Variants in FOXN1 observed in about 807,000 individuals in gnomAD.
FOXN1 encodes forkhead box N1.
Under a neutral mutation model 49.0 loss-of-function variants are expected in FOXN1, and 15 were observed. The ratio of observed to expected loss-of-function variants is 0.31; its 90% CI spans 0.20 to 0.47. FOXN1 has a LOEUF of 0.47. Ranked by LOEUF, FOXN1 falls within the 20% of genes least tolerant of loss-of-function variation. The pLI is 1.00. For synonymous variants in FOXN1, 356 were observed against 369.0 expected, an observed-to-expected ratio of 0.96 and a Z score of 0.40; for missense variants, 800 against 842.8, an observed-to-expected ratio of 0.95 and a Z score of 0.63.
Position 28,537,546 on chromosome 17 carries a change from C to T in FOXN1, c.*110C>T. On this transcript the variant is annotated 3_prime_UTR_variant, in exon 9 of 9. Coordinates refer to ENST00000579795, the MANE Select transcript of FOXN1 (RefSeq NM_001369369.1). ...AAGGAAGGAAAATACTACCTGTCCC[C>T]TATGCCACTAAGCCAACGTGTGTGT... 1.2e-6 allele frequency: 1 copy of T among 840,928 alleles called. No homozygotes were observed. The highest frequency in any genetic ancestry group is 1.7e-5 in the African/African-American group (1 of 59,818). 52.1% of individuals were successfully genotyped at this position (840,928 alleles called of 1,614,324 possible).
intron 1 of FOXN1, among the ~76,000 whole-genome samples, chr17:28,521,144 T>C (rs2069633031): frequency 6.6e-6 from 1 of 151,970 alleles, no homozygotes; most frequent in Admixed American, 6.5e-5. Context: ...ATTTCTCAGA[T>C]GCGGAAAGTG....
intron 1 of FOXN1, among the ~76,000 whole-genome samples, chr17:28,516,682 C>G (rs531234902): frequency 1.3e-5 from 2 of 149,972 alleles, no homozygotes; most frequent in Non-Finnish European, 3.0e-5. Context: ...CATACCATCA[C>G]GGGGTACACG....
intron 1 of FOXN1, among the ~76,000 whole-genome samples, chr17:28,508,225 T>C (rs1479090653): frequency 6.6e-6 from 1 of 152,136 alleles, no homozygotes; most frequent in Non-Finnish European, 1.5e-5. Flanking sequence ...CCTGGGAAAC[T>C]AGAGAAAAAT....
In FOXN1 at chr17:28,524,054, C is replaced by A; in HGVS notation, c.85C>A (p.Gln29Lys). The A allele has an allele frequency of 6.2e-7, 1 of 1,610,402 alleles. No homozygotes were observed. The highest frequency in any genetic ancestry group is 8.5e-7 in the Non-Finnish European group (1 of 1,179,366). The change falls in exon 2 of 9, where the codon CAG (glutamine) becomes AAG (lysine). Residue 29 changes from glutamine to lysine, a missense_variant. Physicochemically the swap from Gln to Lys is moderately conservative, Grantham distance 53 (BLOSUM62 1). Around this residue, in one of 3 missense-constraint regions of FOXN1, gnomAD observed 383 missense variants for 357.9 expected, o/e 1.07. Coordinates refer to ENST00000579795, the MANE Select transcript of FOXN1 (RefSeq NM_001369369.1). ...GGGCGAGCGCCAAGGGGACCTCATG[C>A]AGGCACCGGGCCTCCCAGGCTCCCC... ...LEGERQGDLM[Q>K]APGLPGSPAP...
intron 1 of FOXN1, among the ~76,000 whole-genome samples, chr17:28,521,343 C>T (rs531828959): frequency 1.3e-4 from 20 of 152,320 alleles, no homozygotes; most frequent in African/African-American, 3.8e-4. Flanking sequence ...GAAGGGCCCT[C>T]GGCCTCCCAT....
intron 1 of FOXN1, among the ~76,000 whole-genome samples, chr17:28,519,415 G>A (rs2069595344): frequency 6.6e-6 from 1 of 152,176 alleles, no homozygotes. Context: ...CAGTCTGCCA[G>A]TGAGAGCCTC....
intron 3 of FOXN1, among the ~76,000 whole-genome samples, chr17:28,526,059 C>T (rs1317149895): frequency 6.6e-6 from 1 of 152,224 alleles, no homozygotes; most frequent in African/African-American, 2.4e-5. Context: ...AACTGAGGCT[C>T]ATAGAGGCCA....
chr17:28,509,865 A>G lies in FOXN1; in HGVS notation c.-15+3422A>G, dbSNP rs551779470. On this transcript the variant is annotated intron_variant, in intron 1 of 8. Coordinates refer to ENST00000579795, the MANE Select transcript of FOXN1 (RefSeq NM_001369369.1). ...CGGGCCAAGGAAGAGGGGGCATGGA[A>G]GCAGGAGCAGGGATTTTTAGGGTTG... 2.0e-5 allele frequency among the ~76,000 whole-genome samples: 3 copies of G among 152,298 alleles called. No homozygotes were observed. The South Asian group carries it at 6.2e-4, about 32-fold the overall frequency.
rs2151503066 is a variant in FOXN1, at chr17:28,537,850, G to A, written c.*414G>A. 1 of 300,396 alleles carries A rather than the reference G, an allele frequency of 3.3e-6. No individual in the cohort carries two copies. The allele number at this position is 300,396 out of a possible 1,614,324, so 18.6% of individuals were successfully genotyped here. On this transcript the variant is annotated 3_prime_UTR_variant, in exon 9 of 9. Transcript: ENST00000579795. ...CGTTTCTGGGGCAACTGAGAGCTGA[G>A]CGCTTTGCTTACCAAAAGCTCAGGG...
rs1189731727 is a variant in FOXN1, at chr17:28,524,844, G to A, written c.465G>A (p.Leu155=). 1 of 1,613,806 alleles carries A rather than the reference G, an allele frequency of 6.2e-7. No individual in the cohort carries two copies. Among genetic ancestry groups the A allele is most frequent in the Non-Finnish European group, 8.5e-7 (1 of 1,180,014 alleles). ...ACTCCTTTAAGACCCCAGGGCCGCT[G>A]GAGGCCTTCGAGGAGATCCCAGTGG... ...KGHSFKTPGP[L]EAFEEIPVDV... Residue 155 remains leucine, a synonymous_variant, in exon 3 of 9, where the codon CTG becomes CTA. Coordinates refer to ENST00000579795, the MANE Select transcript of FOXN1 (RefSeq NM_001369369.1).
rs797046135 is a variant in FOXN1, at chr17:28,524,525, C to T, written c.146C>T (p.Ser49Leu). Reference protein sequence around the residue: ...PQSKHAGFSCSSFVSDGPPER... With the variant: ...PQSKHAGFSCLSFVSDGPPER... ...CAGAAGCATGCCGGCTTCAGCTGCT[C>T]GTCATTTGTGTCCGACGGCCCTCCA... Residue 49 changes from serine (S) to leucine (L), a missense_variant, in exon 3 of 9, where the codon TCG becomes TTG. Ser to Leu is a moderately radical substitution (Grantham distance 145, BLOSUM62 -2). Coordinates refer to ENST00000579795, the MANE Select transcript of FOXN1 (RefSeq NM_001369369.1). The T allele has an allele frequency of 3.1e-6, 5 of 1,613,770 alleles. No individual in the cohort carries two copies. The highest frequency in any genetic ancestry group is 4.5e-5 in the East Asian group (2 of 44,882).
intron 3 of FOXN1, among the ~76,000 whole-genome samples, chr17:28,525,642 G>C (rs541413367): frequency 6.6e-6 from 1 of 152,098 alleles, no homozygotes; most frequent in Non-Finnish European, 1.5e-5. Flanking sequence ...CTGCTCCCCC[G>C]CTCTGGTTTG....
At chr17:28,511,776 G>A (rs880374) in intron 1 of FOXN1, among the ~76,000 whole-genome samples, 6,514 of 152,042 alleles carry the variant, frequency 0.043, 438 homozygotes, top group African/African-American at 0.15. Flanking sequence ...TCCTTGGTCG[G>A]GAGGACTCAC....
chr17:28,521,117 G>T (rs766388900), intron 1 of FOXN1, among the ~76,000 whole-genome samples: 6 of 152,252 alleles, frequency 3.9e-5, no homozygotes, highest in Non-Finnish European at 8.8e-5. Flanking sequence ...ACCCTGCGAG[G>T]TGGGTCTGTG....
At chr17:28,521,327 G>A (rs867246584) in intron 1 of FOXN1, among the ~76,000 whole-genome samples, 35 of 152,326 alleles carry the variant, frequency 2.3e-4, no homozygotes, top group Middle Eastern at 3.4e-3. Context: ...GAGATCTGGC[G>A]GGGAAGAAGG....
chr17:28,528,852 A>G (rs569836870), intron 4 of FOXN1, among the ~76,000 whole-genome samples: 1 of 152,312 alleles, frequency 6.6e-6, no homozygotes, highest in African/African-American at 2.4e-5. Flanking sequence ...CAGAGCATCA[A>G]AAGGGCTGAG....
At chr17:28,515,662 C>T (rs1338728040) in intron 1 of FOXN1, among the ~76,000 whole-genome samples, 1 of 151,892 alleles carries the variant, frequency 6.6e-6, no homozygotes, top group African/African-American at 2.4e-5. Flanking sequence ...GTACACACCT[C>T]CACAGGGTAT....
rs375888814 is a variant in FOXN1, at chr17:28,524,772, T to C, written c.393T>C (p.His131=). 11 of 1,613,512 alleles carry C rather than the reference T, an allele frequency of 6.8e-6. No homozygotes were observed. Among genetic ancestry groups the C allele is most frequent in the Non-Finnish European group, 9.3e-6 (11 of 1,179,870 alleles). The change falls in exon 3 of 9, where the codon CAT becomes CAC. Residue 131 remains histidine (H), a synonymous_variant. Transcript: ENST00000579795. ...APFHPYKRPF[H]EDVFPEAETT... Reference sequence around the variant, plus strand: ...TCCACCCGTACAAGCGGCCTTTCCATGAGGACGTCTTCCCAGAGGCCGAGA... The same window carrying C: ...TCCACCCGTACAAGCGGCCTTTCCACGAGGACGTCTTCCCAGAGGCCGAGA...
intron 6 of FOXN1, among the ~76,000 whole-genome samples, chr17:28,533,492 C>CCCG (rs538785855): frequency 6.6e-6 from 1 of 151,128 alleles, no homozygotes; most frequent in South Asian, 2.1e-4. Context: ...AGCACCCCCC[C>CCCG]CCACTGCCTG....
Sources: allele counts gnomAD v4.1 joint callset (sites outside exome capture counted in the v4.1 genomes callset), GRCh38; gene constraint gnomAD v4.1.1; regional missense constraint gnomAD v4.1.1; transcripts MANE v1.5; gene names NCBI Gene and HGNC (gene_info 2026-07-23, HGNC 2026-07-21).